The following XIRP2 variants were observed in gnomAD, a reference collection of about 807,000 sequenced individuals.
XIRP2 encodes xin actin-binding repeat-containing protein 2.
Under a neutral mutation model 277.0 loss-of-function variants are expected in XIRP2, and 236 were observed. That is an observed-to-expected ratio of 0.85 (90% CI 0.77 to 0.95). XIRP2 has a LOEUF of 0.95. XIRP2 is among the 40% of genes least tolerant of loss of function. The probability of loss-of-function intolerance (pLI) is 0.00; values close to 1 mark genes in which losing one functional copy is unlikely to be tolerated. For synonymous variants in XIRP2, 1,490 were observed against 1,416.5 expected, an observed-to-expected ratio of 1.05 and a Z score of -1.17; for missense variants, 4,640 against 4,157.5, an observed-to-expected ratio of 1.12 and a Z score of -3.19.
At chr2:167,237,788 T>A (rs1573984439) in intron 5 of XIRP2, among the ~76,000 whole-genome samples, 1 of 152,258 alleles carries the variant, frequency 6.6e-6, no homozygotes, top group East Asian at 1.9e-4. Context: ...ACTGTTTAAT[T>A]GGTACTTCCT....
At chr2:167,207,629 T>C (rs1382035312) in intron 3 of XIRP2, among the ~76,000 whole-genome samples, 1 of 152,190 alleles carries the variant, frequency 6.6e-6, no homozygotes, top group Non-Finnish European at 1.5e-5. Context: ...ATTAATAGAT[T>C]TAGTTTGTTT....
chr2:166,944,927 G>A (rs75798750), intron 2 of XIRP2, among the ~76,000 whole-genome samples: 11,941 of 132,656 alleles, frequency 0.09, 529 homozygotes, highest in East Asian at 0.12. Flanking sequence ...AATGCTGCTG[G>A]TTCCTGAGGT....
intron 3 of XIRP2, among the ~76,000 whole-genome samples, chr2:167,151,771 A>C (rs1692023453): frequency 6.6e-6 from 1 of 152,160 alleles, no homozygotes; most frequent in Non-Finnish European, 1.5e-5. Flanking sequence ...GCAGACAATA[A>C]GTAGGTAAAC....
intron 2 of XIRP2, among the ~76,000 whole-genome samples, chr2:166,904,748 A>T (rs1048244651): frequency 2.0e-5 from 3 of 152,088 alleles, no homozygotes; most frequent in Non-Finnish European, 4.4e-5. Context: ...GTTTTCCTTT[A>T]GAAAGCAAAG....
intron 5 of XIRP2, among the ~76,000 whole-genome samples, chr2:167,227,495 G>A (rs1176076490): frequency 1.3e-5 from 2 of 152,056 alleles, no homozygotes; most frequent in African/African-American, 4.8e-5. Flanking sequence ...GAGGCCAGGA[G>A]TTAGAGACCA....
intron 4 of XIRP2, among the ~76,000 whole-genome samples, chr2:167,214,531 C>A (rs1339624617): frequency 2.0e-5 from 3 of 149,580 alleles, no homozygotes; most frequent in Non-Finnish European, 4.4e-5. Flanking sequence ...GTAATGTAGT[C>A]TGTTTCTAAA....
chr2:166,928,959 G>T (rs1400700733), intron 2 of XIRP2, among the ~76,000 whole-genome samples: 1 of 152,018 alleles, frequency 6.6e-6, no homozygotes, highest in Non-Finnish European at 1.5e-5. Context: ...CCACCATTCA[G>T]TGTAACAAAG....
rs758833696 is a variant in XIRP2, at chr2:167,250,968, A to G, written c.9576A>G (p.Leu3192=). The change falls in exon 9 of 11, where the codon TTA becomes TTG. Residue 3192 remains leucine (L), a synonymous_variant. Coordinates refer to ENST00000409195, the MANE Select transcript of XIRP2 (RefSeq NM_152381.6). ...GACTCAAAGACACCACTGCAAAGTT[A>G]TCCAAAGGGGCCATCCCATGTCCAG... ...LVRLKDTTAK[L]SKGAIPCPAA... is the part of the protein sequence containing the mutation. 3.1e-6 allele frequency: 5 copies of G among 1,613,564 alleles called. No individual in the cohort carries two copies. In the African/African-American group the frequency reaches 6.7e-5, roughly 22 times the overall value.
At chr2:167,179,498 C>A (rs1484265144) in intron 3 of XIRP2, among the ~76,000 whole-genome samples, 3 of 151,558 alleles carry the variant, frequency 2.0e-5, no homozygotes, top group Non-Finnish European at 4.4e-5. Context: ...TTTTTTGTAT[C>A]TTTAGTAGTG....
chr2:167,055,097 A>C (rs1157970651), intron 2 of XIRP2, among the ~76,000 whole-genome samples: 1 of 152,222 alleles, frequency 6.6e-6, no homozygotes, highest in Non-Finnish European at 1.5e-5. Flanking sequence ...GTTGTGGTAG[A>C]ATCCGAAACC....
intron 2 of XIRP2, among the ~76,000 whole-genome samples, chr2:167,020,801 A>G (rs1687962157): frequency 1.3e-5 from 2 of 152,010 alleles, no homozygotes; most frequent in Non-Finnish European, 2.9e-5. Flanking sequence ...TTACATCCCC[A>G]TCTGATACTT....
In XIRP2 at chr2:167,249,440, G is replaced by C. The variant is rs766796113; in HGVS notation, c.8048G>C (p.Ser2683Thr). Residue 2683 changes from serine (S) to threonine (T), a missense_variant, in exon 9 of 11, where the codon AGT becomes ACT. Ser to Thr is a moderately conservative substitution (Grantham distance 58). Coordinates refer to ENST00000409195, the MANE Select transcript of XIRP2 (RefSeq NM_152381.6). ...ATTAAACAAAGTCACCAAGAATGTA[G>C]TACCCAACAAACACAACAGAAGAAG... ...CEIKQSHQEC[S>T]TQQTQQKKYL... 1 of 1,613,800 alleles carries C rather than the reference G, an allele frequency of 6.2e-7. No homozygotes were observed. Among genetic ancestry groups the C allele is most frequent in the East Asian group, 2.2e-5 (1 of 44,840 alleles).
chr2:166,918,802 G>T (rs1381504320), intron 2 of XIRP2, among the ~76,000 whole-genome samples: 1 of 152,050 alleles, frequency 6.6e-6, no homozygotes, highest in Non-Finnish European at 1.5e-5. Flanking sequence ...TCCTTTTGTG[G>T]GGAAATGATC....
intron 3 of XIRP2, among the ~76,000 whole-genome samples, chr2:167,177,354 A>G (rs1001893268): frequency 1.3e-5 from 2 of 152,198 alleles, no homozygotes; most frequent in African/African-American, 4.8e-5. Context: ...GTATGAATGT[A>G]GAGTATTCAG....
At chr2:167,188,385 T>A (rs1254495203) in intron 3 of XIRP2, among the ~76,000 whole-genome samples, 1 of 152,186 alleles carries the variant, frequency 6.6e-6, no homozygotes, top group Non-Finnish European at 1.5e-5. Context: ...AATACAGGGT[T>A]TAAATTTAGC....
At chr2:167,170,059 T>A (rs1286088154) in intron 3 of XIRP2, among the ~76,000 whole-genome samples, 9 of 152,172 alleles carry the variant, frequency 5.9e-5, no homozygotes, top group East Asian at 5.8e-4. Flanking sequence ...CTGCTCTTTG[T>A]TGAGTTTCAT....
intron 2 of XIRP2, among the ~76,000 whole-genome samples, chr2:167,032,344 C>G (rs910659260): frequency 3.9e-5 from 6 of 152,068 alleles, no homozygotes; most frequent in African/African-American, 1.4e-4. Flanking sequence ...ACCATAAAAA[C>G]CCTAGAAGAA....
chr2:167,233,579 T>G (rs1694817720), intron 5 of XIRP2, among the ~76,000 whole-genome samples: 1 of 151,792 alleles, frequency 6.6e-6, no homozygotes, highest in Non-Finnish European at 1.5e-5. Flanking sequence ...TGGTAGGACA[T>G]AGAAATCAGT....
rs754224607 is a variant in XIRP2 at position 167,249,244 on chromosome 2, G to A, written c.7852G>A (p.Ala2618Thr). Residue 2618 changes from alanine to threonine, a missense_variant, in exon 9 of 11, where the codon GCT (alanine) becomes ACT (threonine). By Grantham distance (58) the Ala-to-Thr change is moderately conservative. Transcript: ENST00000409195. ...ACCCAGCCCAGGCTCTCAAAGTAAT[G>A]CTCGGATACTAGGAGTGTGTTCTGA... ...VQPSPGSQSN[A>T]RILGVCSDNQ... 1 of 1,613,606 alleles carries A rather than the reference G, an allele frequency of 6.2e-7. No individual in the cohort carries two copies. Among genetic ancestry groups the A allele is most frequent in the African/African-American group, 1.3e-5 (1 of 74,868 alleles).
Sources: allele counts gnomAD v4.1 joint callset (sites outside exome capture counted in the v4.1 genomes callset), GRCh38; gene constraint gnomAD v4.1.1; transcripts MANE v1.5; gene names NCBI Gene and HGNC (gene_info 2026-07-23, HGNC 2026-07-21).